Variants in MTDH observed in about 807,000 individuals in gnomAD.
MTDH encodes protein LYRIC.
A neutral mutation model predicts 72.7 loss-of-function variants in MTDH; 34 were observed. The ratio of observed to expected loss-of-function variants is 0.47; its 90% CI spans 0.36 to 0.62. The LOEUF (loss-of-function observed/expected upper bound fraction) is 0.62, where lower values mean the gene tolerates loss of function less well. Ranked by LOEUF, MTDH falls within the 20% of genes least tolerant of loss-of-function variation. The pLI is 0.00. For synonymous variants in MTDH, 266 were observed against 268.9 expected, an observed-to-expected ratio of 0.99 and a Z score of 0.10; for missense variants, 677 against 699.4, an observed-to-expected ratio of 0.97 and a Z score of 0.36.
chr8:97,676,742 G>A (rs1480856839), intron 2 of MTDH, among the ~76,000 whole-genome samples: 1 of 151,888 alleles, frequency 6.6e-6, no homozygotes, highest in African/African-American at 2.4e-5. Context: ...GGTGGCTCAT[G>A]CCTGTAATCC....
chr8:97,679,081 G>A (rs1364869230), intron 2 of MTDH, among the ~76,000 whole-genome samples: 1 of 152,158 alleles, frequency 6.6e-6, no homozygotes, highest in African/African-American at 2.4e-5. Flanking sequence ...GAGTACATGG[G>A]ATCCAATTCC....
At chr8:97,715,384 C>T (rs978824241) in intron 9 of MTDH, among the ~76,000 whole-genome samples, 1 of 152,116 alleles carries the variant, frequency 6.6e-6, no homozygotes, top group Non-Finnish European at 1.5e-5. Context: ...CTGCCTCAGC[C>T]TCCCAAAGTG....
intron 7 of MTDH, 27 bp downstream of exon 7, chr8:97,699,879 A>T (rs759053056): frequency 2.3e-5 from 33 of 1,461,160 alleles, no homozygotes; most frequent in Non-Finnish European, 2.8e-5. Context: ...ATTATCAGTT[A>T]TTTTTTTTCA....
chr8:97,651,134 T>C (rs1248527782), intron 1 of MTDH, among the ~76,000 whole-genome samples: 4 of 152,224 alleles, frequency 2.6e-5, no homozygotes, highest in African/African-American at 4.8e-5. Flanking sequence ...ACTAAACTAG[T>C]GCTCCTAGGG....
In MTDH at chr8:97,644,440, C is replaced by G. The variant is rs1353878267; in HGVS notation, c.-67C>G. ...ACCCGGCCCGGCCCTTCCTCGCTTCCCTCGACTATTCCACTGCGTCTCCGC... is the reference window on the plus strand; with the variant it reads ...ACCCGGCCCGGCCCTTCCTCGCTTCGCTCGACTATTCCACTGCGTCTCCGC... On this transcript the variant is annotated 5_prime_UTR_variant, in exon 1 of 12. Transcript: ENST00000336273. 1.9e-5 allele frequency: 28 copies of G among 1,506,750 alleles called. No homozygotes were observed. The highest frequency in any genetic ancestry group is 2.2e-5 in the Non-Finnish European group (25 of 1,136,232). 93.3% of individuals were successfully genotyped at this position (1,506,750 alleles called of 1,614,324 possible). A position where few individuals can be genotyped will look rare whatever the true frequency, so the allele number is the denominator to read the frequency against.
At position 97,687,544 on chromosome 8, in the gene MTDH, C is replaced by T; in HGVS notation, c.684C>T (p.Ile228=). 6.2e-7 allele frequency: 1 copy of T among 1,613,054 alleles called. No homozygotes were observed. Among genetic ancestry groups the T allele is most frequent in the Non-Finnish European group, 8.5e-7 (1 of 1,179,506 alleles). The stretch of plus-strand genomic sequence containing the variant: ...CTATCCCTGGGATAGAAAATACCAT[C>T]ACAGTTACCACCGAGCAACTTACAA... ...DSTIPGIENT[I]TVTTEQLTTA... The change falls in exon 4 of 12, where the codon ATC becomes ATT. Residue 228 remains isoleucine (I), a synonymous_variant. Transcript: ENST00000336273.
chr8:97,712,689 C>T (rs752599469), intron 8 of MTDH, among the ~76,000 whole-genome samples: 24 of 152,184 alleles, frequency 1.6e-4, no homozygotes, highest in Non-Finnish European at 2.2e-4. Flanking sequence ...CCTAAATTTG[C>T]AGTTGTCACT....
At chr8:97,696,151 T>C in intron 6 of MTDH, 1 of 709,224 alleles carries the variant, frequency 1.4e-6, no homozygotes, top group South Asian at 6.4e-5. Context: ...TTTACATATC[T>C]TTCAAGTCTG....
chr8:97,718,943 A>G, intron 9 of MTDH, 106 bp from the exon 10 acceptor site: 6 of 1,039,464 alleles, frequency 5.8e-6, no homozygotes, highest in Non-Finnish European at 8.2e-6. Context: ...CAATTCACCC[A>G]CCTCCGCCTC....
At chr8:97,719,010 A>G in intron 9 of MTDH, 39 bp from the exon 10 acceptor site, 1 of 1,527,878 alleles carries the variant, frequency 6.5e-7, no homozygotes, top group Non-Finnish European at 8.9e-7. Context: ...ATGAAGAATG[A>G]ATGCTTTATA....
chr8:97,705,441 A>T (rs1814312039), intron 7 of MTDH, among the ~76,000 whole-genome samples: 1 of 151,590 alleles, frequency 6.6e-6, no homozygotes, highest in Admixed American at 6.6e-5. Flanking sequence ...CTCTACTAAG[A>T]ATACAAAAAT....
chr8:97,714,952 A>C (rs1376806482), intron 9 of MTDH, among the ~76,000 whole-genome samples: 1 of 151,940 alleles, frequency 6.6e-6, no homozygotes, highest in African/African-American at 2.4e-5. Flanking sequence ...CAGCTTCCCA[A>C]GTAGCTAGGA....
At position 97,687,560 on chromosome 8, in the gene MTDH, C is replaced by CT; in HGVS notation, c.700_701insT (p.Gln234LeufsTer15). On this transcript the variant is annotated frameshift_variant, in exon 4 of 12. Coordinates refer to ENST00000336273, the MANE Select transcript of MTDH (RefSeq NM_178812.4). LOFTEE classifies it high-confidence loss of function. Reference sequence around the variant, plus strand: ...AAATACCATCACAGTTACCACCGAGCAACTTACAACCGCATCATTTCCTGT... The same window carrying CT: ...AAATACCATCACAGTTACCACCGAGCTAACTTACAACCGCATCATTTCCTGT... The CT allele has an allele frequency of 6.2e-7, 1 of 1,611,342 alleles. No individual in the cohort carries two copies. The highest frequency in any genetic ancestry group is 8.5e-7 in the Non-Finnish European group (1 of 1,178,898).
intron 2 of MTDH, among the ~76,000 whole-genome samples, chr8:97,681,275 G>A (rs1395012772): frequency 6.6e-6 from 1 of 152,084 alleles, no homozygotes; most frequent in Non-Finnish European, 1.5e-5. Flanking sequence ...GTTCAAAGAG[G>A]TACCAGTCTT....
At chr8:97,713,918 A>G (rs1396387563) in intron 9 of MTDH, 149 bp downstream of exon 9, 1 of 430,498 alleles carries the variant, frequency 2.3e-6, no homozygotes, top group African/African-American at 2.0e-5. Context: ...CATATTCAAT[A>G]CATTATATTG....
At chr8:97,697,150 A>ATATATATATATATTTTTTT in intron 6 of MTDH, among the ~76,000 whole-genome samples, 2 of 68,788 alleles carry the variant, frequency 2.9e-5, no homozygotes, top group African/African-American at 1.8e-4. Flanking sequence ...ATATATATAT[A>ATATATATATATATTTTTTT]TTTTTTTTTT....
chr8:97,665,431 G>A (rs1384181151), intron 2 of MTDH, among the ~76,000 whole-genome samples: 3 of 152,086 alleles, frequency 2.0e-5, no homozygotes, highest in African/African-American at 7.2e-5. Flanking sequence ...AGATGCTAAA[G>A]ATAATAAAAA....
Position 97,727,633 on chromosome 8 carries a change from AACT to A in MTDH, c.*2965_*2967del, listed in dbSNP as rs1327043586. On this transcript the variant is annotated 3_prime_UTR_variant, in exon 12 of 12. Coordinates refer to ENST00000336273, the MANE Select transcript of MTDH (RefSeq NM_178812.4). Reference sequence around the variant, plus strand: ...GGTGGCATGAATAAGATGCTTCCAGAACTAGTAGGGAAATAACTAACCTCTTCA... The same window carrying A: ...GGTGGCATGAATAAGATGCTTCCAGAAGTAGGGAAATAACTAACCTCTTCA... The A allele has an allele frequency of 1.3e-5, 2 of 152,142 alleles. No homozygotes were observed. Among genetic ancestry groups the A allele is most frequent in the Admixed American group, 1.3e-4 (2 of 15,268 alleles). The allele number at this position is 152,142 out of a possible 1,614,324, so 9.4% of individuals were successfully genotyped here.
In MTDH at chr8:97,691,066, C is replaced by A. The variant is rs368979821; in HGVS notation, c.926C>A (p.Pro309His). 1.2e-6 allele frequency: 2 copies of A among 1,614,092 alleles called. No homozygotes were observed. Among genetic ancestry groups the A allele is most frequent in the South Asian group, 1.1e-5 (1 of 91,080 alleles). Residue 309 changes from proline (P) to histidine (H), a missense_variant, in exon 6 of 12, where the codon CCT (proline) becomes CAT (histidine). Coordinates refer to ENST00000336273, the MANE Select transcript of MTDH (RefSeq NM_178812.4). ...AGEEKWNSVSPASAGKRKTEP... is the reference protein window; with the variant it reads ...AGEEKWNSVSHASAGKRKTEP... ...GAGGAGAAGTGGAACTCCGTTTCAC[C>A]TGCTTCTGCAGGAAAGAGGAAAACT...
Sources: allele counts gnomAD v4.1 joint callset (sites outside exome capture counted in the v4.1 genomes callset), GRCh38; gene constraint gnomAD v4.1.1; transcripts MANE v1.5; gene names NCBI Gene and HGNC (gene_info 2026-07-23, HGNC 2026-07-21).